Variants in GJC3 observed in about 807,000 individuals in gnomAD.
GJC3 encodes the protein gap junction gamma-3 protein.
GJC3 carries 17 observed loss-of-function variants against 19.8 expected under a neutral mutation model. The observed-to-expected ratio is 0.86, with a 90% CI of 0.59 to 1.29. The LOEUF (loss-of-function observed/expected upper bound fraction) is 1.29, where lower values mean the gene tolerates loss of function less well. Among genes scored for constraint, GJC3 ranks in the 50% most tolerant of loss-of-function variants. The pLI is 0.00. For missense variants in GJC3, 317 were observed against 332.5 expected (o/e 0.95, Z 0.36); for synonymous variants, 140 against 136.5 (o/e 1.03, Z -0.18).
chr7:99,929,344 C>G lies in GJC3; in HGVS notation c.277G>C (p.Gly93Arg), dbSNP rs1819860515. The G allele has an allele frequency of 1.2e-6, 2 of 1,614,158 alleles. No individual in the cohort carries two copies. Among genetic ancestry groups the G allele is most frequent in the South Asian group, 2.2e-5 (2 of 91,080 alleles). The change falls in exon 1 of 2, where the codon GGT becomes CGT. Residue 93 changes from glycine to arginine, a missense_variant. By Grantham distance (125) the Gly-to-Arg change is moderately radical (BLOSUM62 -2). Transcript: ENST00000312891. Reference protein sequence around the residue: ...LVAVPSALYMGFTLYHVIWHW... With the variant: ...LVAVPSALYMRFTLYHVIWHW... ...CAGATCACGTGATACAGAGTGAAAC[C>G]CATATAGAGGGCGCTGGGTACAGCC...
At chr7:99,925,727 G>C (rs1488289646) in intron 1 of GJC3, among the ~76,000 whole-genome samples, 1 of 152,158 alleles carries the variant, frequency 6.6e-6, no homozygotes, top group Non-Finnish European at 1.5e-5. Context: ...AAAAGGATTT[G>C]AATAGACATT....
chr7:99,928,783 G>T, intron 1 of GJC3, 57 bp downstream of exon 1: 1 of 1,539,500 alleles, frequency 6.5e-7, no homozygotes, highest in Non-Finnish European at 9.0e-7. Flanking sequence ...ACCTGCCCCG[G>T]GAGGAGATCA....
chr7:99,928,932 T>G lies in GJC3; in HGVS notation c.689A>C (p.Lys230Thr). The G allele has an allele frequency of 2.5e-6, 4 of 1,614,084 alleles. No individual in the cohort carries two copies. The highest frequency in any genetic ancestry group is 3.4e-6 in the Non-Finnish European group (4 of 1,180,004). ...GGTGCTCTCTGAAGTTAGGAAGTAT[T>G]TAGAAGAGGAAGATTTGTGCTTCCA... ...RTWKHKSSSS[K>T]YFLTSESTRR... Residue 230 changes from lysine to threonine, a missense_variant, in exon 1 of 2, where the codon AAA becomes ACA. Transcript: ENST00000312891.
chr7:99,924,416 C>T (rs1206320500), intron 1 of GJC3, among the ~76,000 whole-genome samples: 3 of 152,074 alleles, frequency 2.0e-5, no homozygotes, highest in Non-Finnish European at 2.9e-5. Flanking sequence ...GGTGAAACCC[C>T]GTCTCTGCTA....
chr7:99,927,232 C>A (rs539824108), intron 1 of GJC3, among the ~76,000 whole-genome samples: 25 of 152,214 alleles, frequency 1.6e-4, no homozygotes, highest in Non-Finnish European at 3.1e-4. Flanking sequence ...GTTTTCCTTT[C>A]AATTTAGTCC....
upstream of GJC3, chr7:99,929,845 C>T: frequency 1.7e-6 from 1 of 602,952 alleles, no homozygotes; most frequent in South Asian, 2.0e-5. Context: ...GTGTGGCTCT[C>T]TCTTCTGCCC....
chr7:99,925,153 G>A (rs887757872), intron 1 of GJC3, among the ~76,000 whole-genome samples: 1 of 152,002 alleles, frequency 6.6e-6, no homozygotes, highest in Non-Finnish European at 1.5e-5. Flanking sequence ...AGTATAATTG[G>A]ATTATTTATA....
chr7:99,923,648 AC>A (rs755472770), intron 1 of GJC3, 45 bp from the exon 2 acceptor site: 1 of 777,100 alleles, frequency 1.3e-6, no homozygotes. Context: ...CAAGTGTGTA[AC>A]TTTTTCACAG....
chr7:99,925,155 T>C (rs1444130166), intron 1 of GJC3, among the ~76,000 whole-genome samples: 1 of 152,202 alleles, frequency 6.6e-6, no homozygotes, highest in Non-Finnish European at 1.5e-5. Flanking sequence ...TATAATTGGA[T>C]TATTTATAAC....
chr7:99,929,837 G>GTGGTT, upstream of GJC3: 1 of 609,402 alleles, frequency 1.6e-6, no homozygotes, highest in Non-Finnish European at 2.9e-6. Flanking sequence ...TGTGTGTGGT[G>GTGGTT]TGGCTCTCTC....
Position 99,929,117 on chromosome 7 carries a change from T to G in GJC3, c.504A>C (p.Ala168=). ...LYGFQMPSSF[A]CRREPCLGSI... The stretch of plus-strand genomic sequence containing the variant: ...TACCAAGGCAAGGTTCTCGGCGACA[T>G]GCAAAGGAGCTGGGCATCTGGAACC... Residue 168 remains alanine, a synonymous_variant, in exon 1 of 2, where the codon GCA becomes GCC. Coordinates refer to ENST00000312891, the MANE Select transcript of GJC3 (RefSeq NM_181538.3). 2 of 1,613,756 alleles carry G rather than the reference T, an allele frequency of 1.2e-6. No individual in the cohort carries two copies. The highest frequency in any genetic ancestry group is 1.1e-5 in the South Asian group (1 of 91,070).
chr7:99,925,996 C>A (rs969736511), intron 1 of GJC3, among the ~76,000 whole-genome samples: 1 of 152,198 alleles, frequency 6.6e-6, no homozygotes, highest in Non-Finnish European at 1.5e-5. Context: ...ACATTCTATT[C>A]CTGGTTATTT....
chr7:99,929,632 G>A (rs998937182), upstream of GJC3: 6 of 1,595,428 alleles, frequency 3.8e-6, no homozygotes, highest in Admixed American at 3.4e-5. Flanking sequence ...CTGTTTTGGA[G>A]CAGAGGACAA....
intron 1 of GJC3, among the ~76,000 whole-genome samples, chr7:99,926,219 A>C (rs1379030665): frequency 6.6e-6 from 1 of 152,114 alleles, no homozygotes; most frequent in Non-Finnish European, 1.5e-5. Flanking sequence ...CTGTAGTCCC[A>C]GGTACTCAGG....
At chr7:99,924,084 G>A (rs1415800578) in intron 1 of GJC3, among the ~76,000 whole-genome samples, 2 of 152,152 alleles carry the variant, frequency 1.3e-5, no homozygotes, top group Non-Finnish European at 2.9e-5. Flanking sequence ...ACAAAGAATA[G>A]CCCCATGGAA....
Position 99,929,575 on chromosome 7 carries a change from G to A in GJC3, c.46C>T (p.Arg16Cys), listed in dbSNP as rs1395447397. 3.1e-6 allele frequency: 5 copies of A among 1,611,096 alleles called. No homozygotes were observed. ...AAGAGGCGCCCCACGGGGGTGGAGC[G>A]CCGGCTCTCCTCCGCCAGCAGCCGC... ...LRRLLAEESR[R>C]STPVGRLLLP... Residue 16 changes from arginine to cysteine, a missense_variant, in exon 1 of 2, where the codon CGC (arginine) becomes TGC (cysteine). Physicochemically the swap from Arg to Cys is radical, Grantham distance 180 (BLOSUM62 -3). Coordinates refer to ENST00000312891, the MANE Select transcript of GJC3 (RefSeq NM_181538.3).
chr7:99,924,610 C>T (rs987217820), intron 1 of GJC3, among the ~76,000 whole-genome samples: 2 of 152,124 alleles, frequency 1.3e-5, no homozygotes, highest in African/African-American at 4.8e-5. Flanking sequence ...GTTATATTTC[C>T]CCTCCTTGCG....
rs770708878 is a variant in GJC3 at position 99,929,045 on chromosome 7, T to C, written c.576A>G (p.Leu192=). The C allele has an allele frequency of 1.2e-6, 2 of 1,614,160 alleles. No homozygotes were observed. Among genetic ancestry groups the C allele is most frequent in the Non-Finnish European group, 8.5e-7 (1 of 1,180,036 alleles). The change falls in exon 1 of 2, where the codon CTA becomes CTG. Residue 192 remains leucine, a synonymous_variant. Coordinates refer to ENST00000312891, the MANE Select transcript of GJC3 (RefSeq NM_181538.3). ...AACCGCTGACTCCAAACATGGTCTTTAGGAAAATGGTCTTCTCAGAGGGGC... is the reference window on the plus strand; with the variant it reads ...AACCGCTGACTCCAAACATGGTCTTCAGGAAAATGGTCTTCTCAGAGGGGC... The part of the protein sequence containing the change: ...LSRPSEKTIF[L]KTMFGVSGFC...
chr7:99,927,691 C>T (rs1332579764), intron 1 of GJC3, among the ~76,000 whole-genome samples: 1 of 151,984 alleles, frequency 6.6e-6, no homozygotes, highest in African/African-American at 2.4e-5. Context: ...CTAAGAGACT[C>T]GAGAAGACTG....
Sources: gnomAD v4.1 joint callset for allele counts (sites outside exome capture counted in the v4.1 genomes callset) on GRCh38, gnomAD v4.1.1 for gene constraint, MANE v1.5 for transcripts, NCBI Gene and HGNC (gene_info 2026-07-23, HGNC 2026-07-21) for gene names.